ZMYND19: variants seen among roughly 807,000 people sequenced by gnomAD.
ZMYND19 encodes zinc finger MYND-type containing 19.
ZMYND19 carries 17 observed loss-of-function variants against 32.0 expected under a neutral mutation model. The observed-to-expected ratio is 0.53, with a 90% CI of 0.36 to 0.80. The LOEUF (loss-of-function observed/expected upper bound fraction) is 0.80. Among genes scored for constraint, ZMYND19 ranks in the 30% least tolerant of loss-of-function variants. The pLI, the probability that ZMYND19 is intolerant of heterozygous loss-of-function variation, is 0.00. For missense variants in ZMYND19, 250 were observed against 293.6 expected, an observed-to-expected ratio of 0.85 and a Z score of 1.09; for synonymous variants, 124 against 113.6, an observed-to-expected ratio of 1.09 and a Z score of -0.58.
Position 137,583,125 on chromosome 9 carries a change from G to A in ZMYND19, c.398C>T (p.Pro133Leu). The A allele has an allele frequency of 6.2e-7, 1 of 1,614,104 alleles. No individual in the cohort carries two copies. Among genetic ancestry groups the A allele is most frequent in the Non-Finnish European group, 8.5e-7 (1 of 1,180,020 alleles). Residue 133 changes from proline (P) to leucine (L), a missense_variant, in exon 5 of 6, where the codon CCT becomes CTT. Coordinates refer to ENST00000298585, the MANE Select transcript of ZMYND19 (RefSeq NM_138462.3). The part of the protein sequence containing the change: ...SLYWLAIQQL[P>L]TDPIEEQFPV... ...AAACTGTTCTTCTATAGGGTCTGTA[G>A]GCAGCTGCTGAATTGCAAGCCAATA...
intron 1 of ZMYND19, 63 bp from the exon 2 acceptor site, chr9:137,588,781 T>A (rs148700444): frequency 6.3e-7 from 1 of 1,591,430 alleles, no homozygotes; most frequent in African/African-American, 1.3e-5. Flanking sequence ...GCAGTAACCT[T>A]ATAACCAGAA....
chr9:137,588,658 C>T lies in ZMYND19; in HGVS notation c.111+1G>A, dbSNP rs755798672. 1 of 1,614,192 alleles carries T rather than the reference C, an allele frequency of 6.2e-7. No homozygotes were observed. ...GGGAGGGAACAGCCATCCTTACTTA[C>T]CTCAAAGGAGTAGCTCTCCACCAGC... is the stretch of plus-strand genomic sequence containing the variant. On this transcript the variant is annotated splice_donor_variant, in intron 2 of 5. Transcript: ENST00000298585. LOFTEE classifies it high-confidence loss of function.
intron 2 of ZMYND19, 26 bp from the exon 3 acceptor site, chr9:137,587,849 G>C (rs745716652): frequency 1.9e-6 from 3 of 1,605,842 alleles, no homozygotes; most frequent in African/African-American, 2.7e-5. Flanking sequence ...GGAAAGAGCT[G>C]TTAAAAAACC....
chr9:137,587,344 C>T, intron 3 of ZMYND19: 1 of 668,710 alleles, frequency 1.5e-6, no homozygotes, highest in Non-Finnish European at 2.5e-6. Context: ...CCCTGGACTT[C>T]AGAGCACAGA....
chr9:137,586,842 C>T, intron 4 of ZMYND19, 125 bp downstream of exon 4: 3 of 1,335,416 alleles, frequency 2.2e-6, no homozygotes, highest in Non-Finnish European at 2.0e-6. Flanking sequence ...ATGAAATTCC[C>T]AAAATACACA....
Position 137,588,776 on chromosome 9 carries a change from A to G in ZMYND19, c.52-58T>C, listed in dbSNP as rs1229318912. On this transcript the variant is annotated intron_variant, in intron 1 of 5. Coordinates refer to ENST00000298585, the MANE Select transcript of ZMYND19 (RefSeq NM_138462.3). ...ATTTGGGATCTGCGTGAGGTGCAGTAACCTTATAACCAGAACAGGCAGGAG... is the reference window on the plus strand; with the variant it reads ...ATTTGGGATCTGCGTGAGGTGCAGTGACCTTATAACCAGAACAGGCAGGAG... 2.5e-6 allele frequency: 4 copies of G among 1,595,854 alleles called. No individual in the cohort carries two copies. The Admixed American group carries it at 6.7e-5, about 27-fold the overall frequency.
intron 4 of ZMYND19, among the ~76,000 whole-genome samples, chr9:137,585,249 CCCACCT>C (rs1842191281): frequency 6.6e-6 from 1 of 151,696 alleles, no homozygotes. Flanking sequence ...ATGGCAAAAT[CCCACCT>C]CTACTAAAAA....
intron 4 of ZMYND19, among the ~76,000 whole-genome samples, chr9:137,585,078 A>T (rs1842189288): frequency 6.6e-6 from 1 of 152,202 alleles, no homozygotes; most frequent in Non-Finnish European, 1.5e-5. Flanking sequence ...CTCTAATATT[A>T]GAGCAAGGAC....
rs779694929 is a variant in ZMYND19 at position 137,590,183 on chromosome 9, G to A, written c.51+30C>T. 1.1e-5 allele frequency: 12 copies of A among 1,056,342 alleles called. No individual in the cohort carries two copies. Among genetic ancestry groups the A allele is most frequent in the South Asian group, 8.3e-5 (3 of 35,990 alleles). The allele number at this position is 1,056,342 out of a possible 1,614,324, so 65.4% of individuals were successfully genotyped here. The stretch of plus-strand genomic sequence containing the variant: ...GCGCGGAGGCCTGGACGGGCGAGAC[G>A]GGCCGGGTCGCGGGCTCCGCGCCGC... On this transcript the variant is annotated intron_variant, in intron 1 of 5. Transcript: ENST00000298585. This position sits in a 1 kb window ranked among gnomAD's most constrained non-coding sequence, Gnocchi z 4.2.
intron 3 of ZMYND19, chr9:137,587,371 G>A (rs1428067853): frequency 2.8e-5 from 17 of 612,290 alleles, no homozygotes; most frequent in South Asian, 6.2e-5. Context: ...AAGCTGGAAC[G>A]CAAAACCACC....
chr9:137,582,705 G>T lies in ZMYND19; in HGVS notation c.541-19C>A. 1 of 1,610,072 alleles carries T rather than the reference G, an allele frequency of 6.2e-7. No individual in the cohort carries two copies. On this transcript the variant is annotated intron_variant, in intron 5 of 5. Coordinates refer to ENST00000298585, the MANE Select transcript of ZMYND19 (RefSeq NM_138462.3). ...CCCGGAGCTGAAATACAGAACACCTGTGGCTTCACCATCATGCCTGGGACG... is the reference window on the plus strand; with the variant it reads ...CCCGGAGCTGAAATACAGAACACCTTTGGCTTCACCATCATGCCTGGGACG...
chr9:137,585,090 G>A (rs1345178462), intron 4 of ZMYND19, among the ~76,000 whole-genome samples: 2 of 152,056 alleles, frequency 1.3e-5, no homozygotes, highest in Non-Finnish European at 2.9e-5. Context: ...AGCAAGGACC[G>A]GGCGTGGTGG....
chr9:137,583,032 C>T lies in ZMYND19; in HGVS notation c.491G>A (p.Cys164Tyr), dbSNP rs2133295726. 1 of 1,614,228 alleles carries T rather than the reference C, an allele frequency of 6.2e-7. No homozygotes were observed. Among genetic ancestry groups the T allele is most frequent in the Non-Finnish European group, 8.5e-7 (1 of 1,180,026 alleles). Residue 164 changes from cysteine (C) to tyrosine (Y), a missense_variant, in exon 5 of 6, where the codon TGC (cysteine) becomes TAC (tyrosine). By Grantham distance (194) the Cys-to-Tyr change is radical (BLOSUM62 -2). Coordinates refer to ENST00000298585, the MANE Select transcript of ZMYND19 (RefSeq NM_138462.3). The part of the protein sequence containing the change: ...GDVVEEEENS[C>Y]TYYECHYPPC... ...AGGGTAGTGGCACTCATAGTAGGTG[C>T]AAGAGTTCTCCTCCTCTTCCACTAC...
chr9:137,589,848 G>A (rs1401797858), intron 1 of ZMYND19: 5 of 985,352 alleles, frequency 5.1e-6, no homozygotes, highest in Non-Finnish European at 6.0e-6. Context: ...TGGCAGCCCG[G>A]ACGCCGCGCT....
At position 137,587,778 on chromosome 9, in the gene ZMYND19, C is replaced by G; in HGVS notation, c.157G>C (p.Ala53Pro). The G allele has an allele frequency of 6.2e-7, 1 of 1,614,182 alleles. No homozygotes were observed. The highest frequency in any genetic ancestry group is 8.5e-7 in the Non-Finnish European group (1 of 1,180,030). ...DADGNGAKIF[A>P]YAFDKNRGRG... ...CCTCGGTTCTTGTCAAAGGCATAGGCAAATATCTTAGCACCATTTCCATCT... is the reference window on the plus strand; with the variant it reads ...CCTCGGTTCTTGTCAAAGGCATAGGGAAATATCTTAGCACCATTTCCATCT... Residue 53 changes from alanine to proline, a missense_variant, in exon 3 of 6, where the codon GCC (alanine) becomes CCC (proline). Coordinates refer to ENST00000298585, the MANE Select transcript of ZMYND19 (RefSeq NM_138462.3).
chr9:137,582,513 G>A lies in ZMYND19; in HGVS notation c.*30C>T, dbSNP rs771070450. 2.3e-5 allele frequency: 37 copies of A among 1,606,412 alleles called. No homozygotes were observed. Among genetic ancestry groups the A allele is most frequent in the Non-Finnish European group, 3.0e-5 (35 of 1,177,444 alleles). The stretch of plus-strand genomic sequence containing the variant: ...TGCTGTGCCCAGGGTAGAGCCCGGG[G>A]GCTGTGAGTATGTGTGGCTCCCCTG... On this transcript the variant is annotated 3_prime_UTR_variant, in exon 6 of 6. Transcript: ENST00000298585.
At chr9:137,589,642 G>A (rs1216396508) in intron 1 of ZMYND19, 2 of 985,354 alleles carry the variant, frequency 2.0e-6, no homozygotes, top group Non-Finnish European at 1.2e-6. Flanking sequence ...CAGCATCAGG[G>A]CCCAGGCTTC....
chr9:137,586,602 G>A (rs1279025652), intron 4 of ZMYND19, among the ~76,000 whole-genome samples: 1 of 152,176 alleles, frequency 6.6e-6, no homozygotes, highest in African/African-American at 2.4e-5. Context: ...GAATCCTGAG[G>A]TGAGGAGAGA....
intron 4 of ZMYND19, among the ~76,000 whole-genome samples, chr9:137,583,581 G>T (rs753943535): frequency 1.5e-4 from 22 of 151,702 alleles, no homozygotes; most frequent in Non-Finnish European, 2.2e-4. Flanking sequence ...GCTTGAGTAG[G>T]CCAGATGCCT....
Sources: gnomAD v4.1 joint callset for allele counts (sites outside exome capture counted in the v4.1 genomes callset) on GRCh38, gnomAD v4.1.1 for gene constraint, Gnocchi (gnomAD v3.1) non-coding constraint, MANE v1.5 for transcripts, NCBI Gene and HGNC (gene_info 2026-07-23, HGNC 2026-07-21) for gene names.